KCNH6: variants seen among roughly 807,000 people sequenced by gnomAD.
KCNH6 encodes the protein potassium voltage-gated channel subfamily H member 6.
A neutral mutation model predicts 83.4 loss-of-function variants in KCNH6; 81 were observed. The ratio of observed to expected loss-of-function variants is 0.97; its 90% CI spans 0.81 to 1.17. The LOEUF is 1.17. Among genes scored for constraint, KCNH6 ranks in the 50% most tolerant of loss-of-function variants. KCNH6 has a pLI of 0.00. For synonymous variants in KCNH6, 503 were observed against 545.6 expected, an observed-to-expected ratio of 0.92 and a Z score of 1.09; for missense variants, 1,203 against 1,290.5, an observed-to-expected ratio of 0.93 and a Z score of 1.04.
At chr17:63,540,889 C>T (rs1320184646) in intron 8 of KCNH6, among the ~76,000 whole-genome samples, 2 of 152,220 alleles carry the variant, frequency 1.3e-5, no homozygotes, top group East Asian at 3.9e-4. Flanking sequence ...GCTGTTTCTT[C>T]TGTCCTGACT....
chr17:63,530,113 A>G lies in KCNH6; in HGVS notation c.330A>G (p.Val110=), dbSNP rs757330551. 3 of 1,613,716 alleles carry G rather than the reference A, an allele frequency of 1.9e-6. No individual in the cohort carries two copies. The highest frequency in any genetic ancestry group is 2.5e-6 in the Non-Finnish European group (3 of 1,180,032). Reference sequence around the variant, plus strand: ...CAGCCTCCAGCTTCCGCTGCCTGGTAGATGTGGTGCCCGTGAAGAACGAGG... The same window carrying G: ...CAGCCTCCAGCTTCCGCTGCCTGGTGGATGTGGTGCCCGTGAAGAACGAGG... The part of the protein sequence containing the change: ...RKDASSFRCL[V]DVVPVKNEDG... The change falls in exon 3 of 13, where the codon GTA becomes GTG. Residue 110 remains valine, a synonymous_variant. Coordinates refer to ENST00000314672, the MANE Select transcript of KCNH6 (RefSeq NM_001278919.2).
chr17:63,531,569 C>T (rs551679255), intron 4 of KCNH6, among the ~76,000 whole-genome samples: 1 of 152,358 alleles, frequency 6.6e-6, no homozygotes, highest in Non-Finnish European at 1.5e-5. Context: ...CTGCTGGAAC[C>T]AGGTGTGGGG....
At position 63,523,581 on chromosome 17, in the gene KCNH6, C is replaced by A; in HGVS notation, c.76+92C>A. 1.6e-6 allele frequency: 2 copies of A among 1,223,678 alleles called. No homozygotes were observed. Among genetic ancestry groups the A allele is most frequent in the Non-Finnish European group, 2.3e-6 (2 of 873,516 alleles). 75.8% of individuals were successfully genotyped at this position (1,223,678 alleles called of 1,614,324 possible). ...ACCCCTTTACTAACTTCTAACCGGG[C>A]AAGGTGGTGAGTGCCGGGTGCTGAA... On this transcript the variant is annotated intron_variant, in intron 1 of 12. Transcript: ENST00000314672. This position sits in a 1 kb window ranked among gnomAD's most constrained non-coding sequence, Gnocchi z 4.2.
chr17:63,535,760 C>T lies in KCNH6; in HGVS notation c.1193C>T (p.Ala398Val), dbSNP rs146478229. 1.7e-5 allele frequency: 27 copies of T among 1,614,034 alleles called. No individual in the cohort carries two copies. The highest frequency in any genetic ancestry group is 6.7e-5 in the Admixed American group (4 of 60,010). ...CTGGACCGCTACTCTGAGTATGGGG[C>T]GGCTGTGCTCTTCTTGCTCATGTGC... The part of the protein sequence containing the change: ...RKLDRYSEYG[A>V]AVLFLLMCTF... The change falls in exon 6 of 13, where the codon GCG (alanine) becomes GTG (valine). Residue 398 changes from alanine (A) to valine (V), a missense_variant. Transcript: ENST00000314672. The surrounding 1 kb of genome is among the most constrained non-coding windows in gnomAD (Gnocchi z 4.9).
In KCNH6 at chr17:63,535,940, C is replaced by A; in HGVS notation, c.1373C>A (p.Ser458Ter). The A allele has an allele frequency of 6.2e-7, 1 of 1,613,994 alleles. No homozygotes were observed. Among genetic ancestry groups the A allele is most frequent in the Non-Finnish European group, 8.5e-7 (1 of 1,180,046 alleles). The change falls in exon 6 of 13, where the codon TCG becomes TAG. Residue 458 changes from serine to a stop codon, truncating the protein, a stop_gained. Coordinates refer to ENST00000314672, the MANE Select transcript of KCNH6 (RefSeq NM_001278919.2). LOFTEE classifies it high-confidence loss of function. The surrounding 1 kb of genome is among the most constrained non-coding windows in gnomAD (Gnocchi z 4.9). ...GGCAGCGACCCAGCCTCGGGCCCCT[C>A]GGTGCAGGACAAGTATGTCACAGCC... The part of the protein sequence containing the change: ...YNGSDPASGP[S>*]VQDKYVTALY...
rs2033147848 is a variant in KCNH6 at position 63,546,376 on chromosome 17, C to T, written c.*474C>T. On this transcript the variant is annotated 3_prime_UTR_variant, in exon 13 of 13. Transcript: ENST00000314672. Reference sequence around the variant, plus strand: ...AGCTCACGACTTTTCCCAGCCTCCTCCAGGGCTCCATTTAAACAGCAAGCC... The same window carrying T: ...AGCTCACGACTTTTCCCAGCCTCCTTCAGGGCTCCATTTAAACAGCAAGCC... 1 of 156,520 alleles carries T rather than the reference C, an allele frequency of 6.4e-6. No homozygotes were observed. Among genetic ancestry groups the T allele is most frequent in the African/African-American group, 2.4e-5 (1 of 41,438 alleles). 9.7% of individuals were successfully genotyped at this position (156,520 alleles called of 1,614,324 possible).
In KCNH6 at chr17:63,538,128, C is replaced by CA. The variant is rs1467961712; in HGVS notation, c.1565_1566insA (p.Ala523ArgfsTer42). ...ATCATCCAGCGCCTGTACTCGGGCA[C>CA]CGCGCGCTACCACACGCAGATGCTG... On this transcript the variant is annotated frameshift_variant, in exon 7 of 13. Coordinates refer to ENST00000314672, the MANE Select transcript of KCNH6 (RefSeq NM_001278919.2). LOFTEE classifies it high-confidence loss of function. The surrounding 1 kb of genome is among the most constrained non-coding windows in gnomAD (Gnocchi z 4.0). The CA allele has an allele frequency of 6.2e-7, 1 of 1,614,032 alleles. No individual in the cohort carries two copies. Among genetic ancestry groups the CA allele is most frequent in the Non-Finnish European group, 8.5e-7 (1 of 1,180,034 alleles).
chr17:63,547,656 T>C (rs951330134), downstream of KCNH6, among the ~76,000 whole-genome samples: 13 of 152,168 alleles, frequency 8.5e-5, no homozygotes, highest in African/African-American at 3.1e-4. Context: ...AACACAAATA[T>C]GTATACAGGC....
At chr17:63,532,091 G>C (rs2032156256) in intron 4 of KCNH6, among the ~76,000 whole-genome samples, 1 of 152,170 alleles carries the variant, frequency 6.6e-6, no homozygotes, top group Non-Finnish European at 1.5e-5. Flanking sequence ...GAAGAGCCTC[G>C]AGCTGGCTTT....
rs1444957288 is a variant in KCNH6, at chr17:63,535,859, A to G, written c.1292A>G (p.Glu431Gly). 5 of 1,614,166 alleles carry G rather than the reference A, an allele frequency of 3.1e-6. No homozygotes were observed. The highest frequency in any genetic ancestry group is 4.2e-6 in the Non-Finnish European group (5 of 1,180,026). Residue 431 changes from glutamate to glycine, a missense_variant, in exon 6 of 13, where the codon GAA becomes GGA. Transcript: ENST00000314672. This position sits in a 1 kb window ranked among gnomAD's most constrained non-coding sequence, Gnocchi z 4.9. ...GGCAATGTGGAGCGGCCCTACCTAG[A>G]ACACAAGATCGGCTGGCTGGACAGC... ...AIGNVERPYLEHKIGWLDSLG... is the reference protein window; with the variant it reads ...AIGNVERPYLGHKIGWLDSLG...
rs2032014044 is a variant in KCNH6, at chr17:63,530,356, A to C, written c.489A>C (p.Pro163=). ...TTTCAGAGGGCTCTCATGGCAGGCC[A>C]GGCGGACCAGGGCCAGGCACAGGCA... The part of the protein sequence containing the change: ...FLGSEGSHGR[P]GGPGPGTGRG... The change falls in exon 4 of 13, where the codon CCA becomes CCC. Residue 163 remains proline (P), a synonymous_variant. Transcript: ENST00000314672. 6.2e-7 allele frequency: 1 copy of C among 1,614,088 alleles called. No homozygotes were observed.
chr17:63,530,002 G>C, intron 2 of KCNH6, 89 bp from the exon 3 acceptor site: 1 of 1,419,946 alleles, frequency 7.0e-7, no homozygotes, highest in Non-Finnish European at 9.7e-7. Context: ...CCCTTCACTT[G>C]ACCTTCACTC....
chr17:63,535,768 CTCT>C lies in KCNH6; in HGVS notation c.1206_1208del (p.Phe402del). The C allele has an allele frequency of 1.2e-6, 2 of 1,614,208 alleles. No individual in the cohort carries two copies. The highest frequency in any genetic ancestry group is 1.7e-6 in the Non-Finnish European group (2 of 1,180,050). On this transcript the variant is annotated inframe_deletion, in exon 6 of 13. Transcript: ENST00000314672. The surrounding 1 kb of genome is among the most constrained non-coding windows in gnomAD (Gnocchi z 4.9). ...CTACTCTGAGTATGGGGCGGCTGTG[CTCT>C]TCTTGCTCATGTGCACCTTCGCGCT...
chr17:63,537,466 A>C (rs2032570093), intron 6 of KCNH6, among the ~76,000 whole-genome samples: 1 of 152,088 alleles, frequency 6.6e-6, no homozygotes, highest in Non-Finnish European at 1.5e-5. Context: ...AGACAGTCTC[A>C]TTCTGTCGCC....
intron 2 of KCNH6, among the ~76,000 whole-genome samples, chr17:63,526,332 G>A (rs1391362294): frequency 2.6e-5 from 4 of 151,796 alleles, no homozygotes; most frequent in African/African-American, 7.3e-5. Context: ...CTAAGGGAAG[G>A]ATATTGTGCT....
rs1316542349 is a variant in KCNH6 at position 63,538,723 on chromosome 17, G to GA, written c.1954+62dup. 3 of 1,482,760 alleles carry GA rather than the reference G, an allele frequency of 2.0e-6. No homozygotes were observed. Among genetic ancestry groups the GA allele is most frequent in the Middle Eastern group, 3.6e-4 (2 of 5,544 alleles). 91.9% of individuals were successfully genotyped at this position (1,482,760 alleles called of 1,614,324 possible). A position where few individuals can be genotyped will look rare whatever the true frequency, so the allele number is the denominator to read the frequency against. On this transcript the variant is annotated intron_variant, in intron 8 of 12. Transcript: ENST00000314672. The surrounding 1 kb of genome is among the most constrained non-coding windows in gnomAD (Gnocchi z 4.0). ...GATTGGATGGAAGAGGGCGGGATTG[G>GA]AGATGCCCTGCCCAGGCCACCCTCT...
chr17:63,534,514 T>A lies in KCNH6; in HGVS notation c.1101+203T>A, dbSNP rs938415495. On this transcript the variant is annotated intron_variant, in intron 5 of 12. Transcript: ENST00000314672. This position sits in a 1 kb window ranked among gnomAD's most constrained non-coding sequence, Gnocchi z 5.0. ...CCTGCCAAGGCTGCACCCCCAGGCC[T>A]CTGTCCCTCTGCCCCCTCTCTGAGC... Among the ~76,000 whole-genome samples the A allele has an allele frequency of 7.2e-5, 11 of 152,098 alleles. No individual in the cohort carries two copies. Among genetic ancestry groups the A allele is most frequent in the Admixed American group, 6.5e-5 (1 of 15,272 alleles).
At chr17:63,531,092 G>A (rs1350932991) in intron 4 of KCNH6, among the ~76,000 whole-genome samples, 1 of 152,222 alleles carries the variant, frequency 6.6e-6, no homozygotes, top group African/African-American at 2.4e-5. Flanking sequence ...AGCTTCCTGG[G>A]GGCCAGGCCC....
chr17:63,544,886 T>G (rs1323269621), intron 11 of KCNH6, among the ~76,000 whole-genome samples, 192 bp from the exon 12 acceptor site: 3 of 152,002 alleles, frequency 2.0e-5, no homozygotes, highest in African/African-American at 7.3e-5. Flanking sequence ...CTCACTGGTG[T>G]TGTTAAGAGT....
Sources: allele counts gnomAD v4.1 joint callset (sites outside exome capture counted in the v4.1 genomes callset), GRCh38; gene constraint gnomAD v4.1.1; non-coding constraint Gnocchi (gnomAD v3.1); transcripts MANE v1.5; gene names NCBI Gene and HGNC (gene_info 2026-07-23, HGNC 2026-07-21).